RAP1B: variants seen among roughly 807,000 people sequenced by gnomAD.
RAP1B encodes the protein ras-related protein Rap-1b.
In RAP1B, 1 loss-of-function variant was observed where a neutral mutation model predicts 27.5. That is an observed-to-expected ratio of 0.04 (90% CI 0.01 to 0.17). RAP1B has a LOEUF of 0.17. RAP1B is among the 10% of genes least tolerant of loss of function. The pLI, the probability that RAP1B is intolerant of heterozygous loss-of-function variation, is 1.00. For missense variants in RAP1B, 84 were observed against 214.8 expected (o/e 0.39, Z 3.81); for synonymous variants, 75 against 73.1 (o/e 1.03, Z -0.13).
At chr12:68,635,045 G>A (rs1177325459) in intron 1 of RAP1B, among the ~76,000 whole-genome samples, 1 of 152,134 alleles carries the variant, frequency 6.6e-6, no homozygotes, top group East Asian at 1.9e-4. Flanking sequence ...ATCTTTCTTG[G>A]CAGAATGAGT....
At chr12:68,635,808 G>T (rs188197958) in intron 1 of RAP1B, among the ~76,000 whole-genome samples, 4 of 152,076 alleles carry the variant, frequency 2.6e-5, no homozygotes, top group East Asian at 3.9e-4. Context: ...CTGGGGTTAG[G>T]GGGTGAGTGT....
At chr12:68,647,561 C>T in intron 1 of RAP1B, among the ~76,000 whole-genome samples, 1 of 151,320 alleles carries the variant, frequency 6.6e-6, no homozygotes, top group East Asian at 1.9e-4. Context: ...AGATACACTG[C>T]TCTTTTTTTC....
chr12:68,657,239 C>T (rs1327444141), intron 7 of RAP1B, 22 bp downstream of exon 7: 2 of 1,485,338 alleles, frequency 1.3e-6, no homozygotes, highest in South Asian at 1.2e-5. Flanking sequence ...TATCTTTCCT[C>T]TAACTTTTAA....
chr12:68,624,305 C>T (rs1871594903), intron 1 of RAP1B, among the ~76,000 whole-genome samples: 1 of 152,062 alleles, frequency 6.6e-6, no homozygotes, highest in South Asian at 2.1e-4. Flanking sequence ...CAAACACTAA[C>T]ATTTTTTTAA....
chr12:68,625,228 G>A (rs1237171204), intron 1 of RAP1B, among the ~76,000 whole-genome samples: 2 of 152,222 alleles, frequency 1.3e-5, no homozygotes, highest in East Asian at 1.9e-4. Context: ...TTTCAGTGAA[G>A]TGTGGTGTGC....
At position 68,669,167 on chromosome 12, in the gene RAP1B, G is replaced by T. The variant is rs1418445597; in HGVS notation, c.*9918G>T. On this transcript the variant is annotated 3_prime_UTR_variant, in exon 8 of 8. Coordinates refer to ENST00000250559, the MANE Select transcript of RAP1B (RefSeq NM_001010942.3). ...TATTTATAAAAAATACCTACAAGTT[G>T]ATATAGTAAACACGACAGATAAAAA... 6.6e-6 allele frequency: 1 copy of T among 152,130 alleles called. No homozygotes were observed. The highest frequency in any genetic ancestry group is 2.4e-5 in the African/African-American group (1 of 41,418). 9.4% of individuals were successfully genotyped at this position (152,130 alleles called of 1,614,324 possible). A position where few individuals can be genotyped will look rare whatever the true frequency, so the allele number is the denominator to read the frequency against.
intron 1 of RAP1B, among the ~76,000 whole-genome samples, chr12:68,620,041 A>T (rs574994236): frequency 6.6e-6 from 1 of 152,156 alleles, no homozygotes; most frequent in African/African-American, 2.4e-5. Context: ...TTCCATAGTA[A>T]AGCTGTAAGT....
chr12:68,670,114 T>G lies in RAP1B; in HGVS notation c.*10865T>G, dbSNP rs1875029092. ...ACCACGCCTGGGCTAATTTTGTATT[T>G]TAGTAGAGATGGGGTTTCTCCATGT... is the stretch of plus-strand genomic sequence containing the variant. On this transcript the variant is annotated 3_prime_UTR_variant, in exon 8 of 8. Coordinates refer to ENST00000250559, the MANE Select transcript of RAP1B (RefSeq NM_001010942.3). The G allele has an allele frequency of 6.6e-6, 1 of 152,026 alleles. No homozygotes were observed. Among genetic ancestry groups the G allele is most frequent in the Non-Finnish European group, 1.5e-5 (1 of 68,160 alleles). The allele number at this position is 152,026 out of a possible 1,614,324, so 9.4% of individuals were successfully genotyped here.
At chr12:68,658,542 T>G (rs1413596448) in intron 7 of RAP1B, among the ~76,000 whole-genome samples, 1 of 152,196 alleles carries the variant, frequency 6.6e-6, no homozygotes, top group Non-Finnish European at 1.5e-5. Flanking sequence ...TAGGGAACAT[T>G]TTTTTAGCCG....
intron 1 of RAP1B, among the ~76,000 whole-genome samples, chr12:68,638,713 T>C (rs1468024356): frequency 6.6e-6 from 1 of 152,128 alleles, no homozygotes; most frequent in African/African-American, 2.4e-5. Context: ...TAAGCTGGAG[T>C]GCAGTGGCGC....
chr12:68,635,613 A>G (rs1373286982), intron 1 of RAP1B, among the ~76,000 whole-genome samples: 3 of 151,768 alleles, frequency 2.0e-5, no homozygotes, highest in African/African-American at 7.3e-5. Context: ...CCGCCACCTC[A>G]CCCAGCCAAT....
At chr12:68,626,598 A>G (rs1012070401) in intron 1 of RAP1B, among the ~76,000 whole-genome samples, 35 of 152,236 alleles carry the variant, frequency 2.3e-4, no homozygotes, top group African/African-American at 8.2e-4. Context: ...AGTATTAATA[A>G]TCTGATTTCT....
At chr12:68,626,261 T>C (rs1364982578) in intron 1 of RAP1B, among the ~76,000 whole-genome samples, 1 of 152,246 alleles carries the variant, frequency 6.6e-6, no homozygotes, top group Non-Finnish European at 1.5e-5. Context: ...CCTTGATTTA[T>C]CTACTAACAC....
rs1433830064 is a variant in RAP1B at position 68,670,350 on chromosome 12, T to A, written c.*11101T>A. The A allele has an allele frequency of 6.6e-6, 1 of 152,196 alleles. No individual in the cohort carries two copies. Among genetic ancestry groups the A allele is most frequent in the East Asian group, 1.9e-4 (1 of 5,206 alleles). The allele number at this position is 152,196 out of a possible 1,614,324, so 9.4% of individuals were successfully genotyped here. On this transcript the variant is annotated 3_prime_UTR_variant, in exon 8 of 8. Coordinates refer to ENST00000250559, the MANE Select transcript of RAP1B (RefSeq NM_001010942.3). ...TATCATGCAAAAAGCACTTTCCAGA[T>A]ATATTAAAATGTTTTCAAGCTATAA...
chr12:68,656,454 G>T lies in RAP1B; in HGVS notation c.468+5G>T. ...TCAAAAATAAATGTTAATGAGGTAT[G>T]GTCAAATATACTTAAAATGGGTCTT... On this transcript the variant is annotated splice_donor_5th_base_variant and intron_variant, in intron 6 of 7. Coordinates refer to ENST00000250559, the MANE Select transcript of RAP1B (RefSeq NM_001010942.3). 1 of 1,603,752 alleles carries T rather than the reference G, an allele frequency of 6.2e-7. No homozygotes were observed. Among genetic ancestry groups the T allele is most frequent in the Non-Finnish European group, 8.5e-7 (1 of 1,170,992 alleles).
At chr12:68,638,491 CT>C (rs1378775674) in intron 1 of RAP1B, among the ~76,000 whole-genome samples, 1 of 152,014 alleles carries the variant, frequency 6.6e-6, no homozygotes, top group Non-Finnish European at 1.5e-5. Flanking sequence ...AGGATGTTGT[CT>C]TACGTTTATT....
rs1378196662 is a variant in RAP1B, at chr12:68,667,836, A to T, written c.*8587A>T. On this transcript the variant is annotated 3_prime_UTR_variant, in exon 8 of 8. Transcript: ENST00000250559. ...ATAAGTCTATTTTGTTAGAATAAAA[A>T]GCAATAATACTTCCTGAAATACATC... 1 of 152,226 alleles carries T rather than the reference A, an allele frequency of 6.6e-6. No individual in the cohort carries two copies. Among genetic ancestry groups the T allele is most frequent in the East Asian group, 1.9e-4 (1 of 5,202 alleles). 9.4% of individuals were successfully genotyped at this position (152,226 alleles called of 1,614,324 possible). A position where few individuals can be genotyped will look rare whatever the true frequency, so the allele number is the denominator to read the frequency against.
intron 7 of RAP1B, 88 bp downstream of exon 7, chr12:68,657,305 G>C: frequency 1.3e-6 from 1 of 761,664 alleles, no homozygotes; most frequent in Non-Finnish European, 2.2e-6. Flanking sequence ...ACTTCTTTTT[G>C]TTGGTTCTGA....
Position 68,665,654 on chromosome 12 carries a change from T to G in RAP1B, c.*6405T>G, listed in dbSNP as rs1874814489. The G allele has an allele frequency of 6.6e-6, 1 of 152,158 alleles. No individual in the cohort carries two copies. Among genetic ancestry groups the G allele is most frequent in the South Asian group, 2.1e-4 (1 of 4,828 alleles). The allele number at this position is 152,158 out of a possible 1,614,324, so 9.4% of individuals were successfully genotyped here. On this transcript the variant is annotated 3_prime_UTR_variant, in exon 8 of 8. Coordinates refer to ENST00000250559, the MANE Select transcript of RAP1B (RefSeq NM_001010942.3). ...CTAGTATGCTATAGACCAGCAGTAA[T>G]TTTGTGCTCTAAAATGCTTATTTTT...
Sources: allele counts gnomAD v4.1 joint callset (sites outside exome capture counted in the v4.1 genomes callset), GRCh38; gene constraint gnomAD v4.1.1; transcripts MANE v1.5; gene names NCBI Gene and HGNC (gene_info 2026-07-23, HGNC 2026-07-21).